The following CENPM variants were observed in gnomAD, a reference collection of about 807,000 sequenced individuals.
CENPM encodes the protein centromere protein M.
Under a neutral mutation model 19.6 loss-of-function variants are expected in CENPM, and 14 were observed. That is an observed-to-expected ratio of 0.71 (90% CI 0.47 to 1.11). CENPM has a LOEUF of 1.11. Ranked by LOEUF, CENPM falls within the 50% of genes most tolerant of loss-of-function variation. The pLI, the probability that CENPM is intolerant of heterozygous loss-of-function variation, is 0.00. For synonymous variants in CENPM, 114 were observed against 101.5 expected, an observed-to-expected ratio of 1.12 and a Z score of -0.74; for missense variants, 239 against 228.4, an observed-to-expected ratio of 1.05 and a Z score of -0.30.
chr22:41,944,371 G>A (rs771245225), intron 4 of CENPM, among the ~76,000 whole-genome samples: 6 of 149,398 alleles, frequency 4.0e-5, no homozygotes, highest in South Asian at 4.3e-4. Flanking sequence ...GGGAGACGGT[G>A]GTTGCGGTGA....
chr22:41,943,367 G>C (rs1447546609), intron 5 of CENPM, among the ~76,000 whole-genome samples: 1 of 152,196 alleles, frequency 6.6e-6, no homozygotes, highest in African/African-American at 2.4e-5. Flanking sequence ...ATGCACTCCA[G>C]ATGAAAGCAC....
the CENPM span, among the ~76,000 whole-genome samples, chr22:41,931,476 T>C: frequency 6.9e-6 from 1 of 144,622 alleles, no homozygotes; most frequent in African/African-American, 2.7e-5. Context: ...CGAGACCCCA[T>C]CTCAGAAAAA....
chr22:41,931,233 C>A, the CENPM span, among the ~76,000 whole-genome samples: 3 of 151,310 alleles, frequency 2.0e-5, no homozygotes, highest in Non-Finnish European at 4.4e-5. Flanking sequence ...CTTTGGGAGA[C>A]CGAGGCGGGT....
downstream of CENPM, among the ~76,000 whole-genome samples, chr22:41,937,711 G>C (rs1450691736): frequency 1.3e-5 from 2 of 152,136 alleles, no homozygotes; most frequent in Non-Finnish European, 1.5e-5. Flanking sequence ...ACGTGACAAG[G>C]TGAGCAGAAC....
chr22:41,946,292 G>T, intron 2 of CENPM, 125 bp downstream of exon 2: 2 of 826,896 alleles, frequency 2.4e-6, no homozygotes, highest in Non-Finnish European at 2.0e-6. Flanking sequence ...AGCCAGCTAC[G>T]CTGCATGCTG....
intron 4 of CENPM, 104 bp downstream of exon 4, chr22:41,945,121 T>C (rs1430887354): frequency 6.3e-6 from 10 of 1,577,914 alleles, no homozygotes; most frequent in Admixed American, 1.9e-5. Context: ...GTGTGTAAAA[T>C]ACATGCTCTT....
chr22:41,931,298 CTCTCTA>C, the CENPM span, among the ~76,000 whole-genome samples: 1 of 150,062 alleles, frequency 6.7e-6, no homozygotes, highest in African/African-American at 2.4e-5. Context: ...GTGAAACCCT[CTCTCTA>C]TAAGAAATTT....
intron 4 of CENPM, chr22:41,944,521 G>T (rs1330390810): frequency 1.2e-5 from 4 of 345,534 alleles, no homozygotes; most frequent in African/African-American, 4.5e-5. Flanking sequence ...TCATCTAGGG[G>T]CCTGGGGCAA....
chr22:41,928,242 A>G, the CENPM span: 2 of 325,152 alleles, frequency 6.2e-6, no homozygotes, highest in South Asian at 2.7e-5. This position sits in a 1 kb window ranked among gnomAD's most constrained non-coding sequence, Gnocchi z 4.0. Flanking sequence ...CTCCAGGGCT[A>G]TGTGTCCTCT....
the CENPM span, among the ~76,000 whole-genome samples, chr22:41,932,354 G>A: frequency 3.0e-4 from 46 of 152,342 alleles, no homozygotes; most frequent in African/African-American, 9.1e-4. The surrounding 1 kb of genome is among the most constrained non-coding windows in gnomAD (Gnocchi z 4.3). Context: ...GAGTGGCCAC[G>A]GAATCAGCAC....
intron 2 of CENPM, 91 bp downstream of exon 2, chr22:41,946,326 G>C: frequency 1.8e-6 from 2 of 1,098,686 alleles, no homozygotes; most frequent in South Asian, 1.4e-5. Flanking sequence ...CCTCAGAGGA[G>C]GGGGCGCTGG....
chr22:41,930,233 G>A, the CENPM span, among the ~76,000 whole-genome samples: 6 of 141,766 alleles, frequency 4.2e-5, no homozygotes, highest in Non-Finnish European at 7.6e-5. Context: ...GAGCCACCGC[G>A]TCCCTTTTTT....
the CENPM span, among the ~76,000 whole-genome samples, chr22:41,931,663 G>T: frequency 6.6e-6 from 1 of 152,244 alleles, no homozygotes; most frequent in African/African-American, 2.4e-5. Context: ...GCCCTCTCAA[G>T]ATGAGCCAGC....
At chr22:41,937,014 G>A (rs1375992752), downstream of CENPM, among the ~76,000 whole-genome samples, 4 of 152,216 alleles carry the variant, frequency 2.6e-5, no homozygotes, top group Non-Finnish European at 2.9e-5. Flanking sequence ...TCCATCCTGA[G>A]GCCTGAGGCT....
At chr22:41,938,224 C>T (rs1262274400), downstream of CENPM, among the ~76,000 whole-genome samples, 1 of 151,636 alleles carries the variant, frequency 6.6e-6, no homozygotes, top group Non-Finnish European at 1.5e-5. Flanking sequence ...TCAACACCAC[C>T]TCCGCCTCCC....
rs766762973 is a variant in CENPM at position 41,939,113 on chromosome 22, A to C, written c.486T>G (p.Ala162=). Residue 162 remains alanine, a synonymous_variant, in exon 6 of 6, where the codon GCT becomes GCG. Transcript: ENST00000215980. ...TTCTCAGCAGGGACAGCAGGTTCAGAGCTGAGACACCGGGCACGTGGCCAG... is the reference window on the plus strand; with the variant it reads ...TTCTCAGCAGGGACAGCAGGTTCAGCGCTGAGACACCGGGCACGTGGCCAG... ...ICAGHVPGVS[A]LNLLSLLRSS... 1.9e-6 allele frequency: 3 copies of C among 1,613,056 alleles called. No homozygotes were observed. In the South Asian group the frequency reaches 3.3e-5, roughly 18 times the overall value.
At chr22:41,932,875 C>T in the CENPM span, among the ~76,000 whole-genome samples, 145 of 152,320 alleles carry the variant, frequency 9.5e-4, no homozygotes, top group Non-Finnish European at 1.8e-3. The surrounding 1 kb of genome is among the most constrained non-coding windows in gnomAD (Gnocchi z 4.3). Context: ...CCCCGTCACT[C>T]GCCACTCACT....
the CENPM span, among the ~76,000 whole-genome samples, chr22:41,931,173 A>C: frequency 1.3e-5 from 2 of 151,248 alleles, no homozygotes; most frequent in African/African-American, 4.8e-5. Context: ...TACTCTTTTT[A>C]AAAAGATAAT....
intron 4 of CENPM, chr22:41,944,965 T>C: frequency 7.5e-7 from 1 of 1,330,958 alleles, no homozygotes; most frequent in South Asian, 1.7e-5. Context: ...CAGGGGTACA[T>C]GTGCAGATTT....
Sources: allele counts gnomAD v4.1 joint callset (sites outside exome capture counted in the v4.1 genomes callset), GRCh38; gene constraint gnomAD v4.1.1; non-coding constraint Gnocchi (gnomAD v3.1); transcripts MANE v1.5; gene names NCBI Gene and HGNC (gene_info 2026-07-23, HGNC 2026-07-21).